Variants in TTC17 observed in about 807,000 individuals in gnomAD.
TTC17 encodes tetratricopeptide repeat protein 17.
Under a neutral mutation model 143.8 loss-of-function variants are expected in TTC17, and 58 were observed. The ratio of observed to expected loss-of-function variants is 0.40; its 90% confidence interval spans 0.33 to 0.50. TTC17 has a LOEUF of 0.50. Ranked by LOEUF, TTC17 falls within the 20% of genes least tolerant of loss-of-function variation. The pLI, the probability that TTC17 is intolerant of heterozygous loss-of-function variation, is 0.49. For missense variants in TTC17, 1,273 were observed against 1,392.5 expected (o/e 0.91, Z 1.37); for synonymous variants, 501 against 497.8 (o/e 1.01, Z -0.09).
intron 19 of TTC17, chr11:43,449,070 C>A (rs569055433): frequency 6.6e-6 from 1 of 152,574 alleles, no homozygotes; most frequent in South Asian, 2.1e-4. Flanking sequence ...TCGGTTCATC[C>A]AGTACTTCCT....
intron 1 of TTC17, among the ~76,000 whole-genome samples, chr11:43,365,240 A>G (rs1856286963): frequency 6.6e-6 from 1 of 152,146 alleles, no homozygotes; most frequent in Non-Finnish European, 1.5e-5. Context: ...ACCTGGAACT[A>G]CAAGTGCATA....
chr11:43,396,720 G>C lies in TTC17; in HGVS notation c.675G>C (p.Ser225=). The C allele has an allele frequency of 1.3e-6, 2 of 1,582,260 alleles. No homozygotes were observed. Among genetic ancestry groups the C allele is most frequent in the African/African-American group, 1.3e-5 (1 of 74,380 alleles). The change falls in exon 6 of 24, where the codon TCG becomes TCC. Residue 225 remains serine (S), a synonymous_variant. Transcript: ENST00000039989. ...IHEGLQKNTS[S]WVLYNMASFY... is the part of the protein sequence containing the mutation. ...TTTTTAATCTCTAGAACACTTCCTC[G>C]TGGGTACTGTATAACATGGCTTCAT...
intron 2 of TTC17, among the ~76,000 whole-genome samples, chr11:43,384,809 T>C (rs1396081961): frequency 6.6e-6 from 1 of 152,246 alleles, no homozygotes; most frequent in Non-Finnish European, 1.5e-5. Flanking sequence ...GTATAAAGAC[T>C]GTAAAATGGC....
chr11:43,432,118 A>G (rs1947173045), intron 16 of TTC17, among the ~76,000 whole-genome samples: 1 of 152,236 alleles, frequency 6.6e-6, no homozygotes, highest in Admixed American at 6.5e-5. Flanking sequence ...TCTTCTAGCA[A>G]TTTGTAAACA....
At chr11:43,458,376 G>C (rs1178076632) in intron 21 of TTC17, among the ~76,000 whole-genome samples, 2 of 152,118 alleles carry the variant, frequency 1.3e-5, no homozygotes, top group African/African-American at 2.4e-5. Flanking sequence ...CACGTGATGG[G>C]TCAGGGCTTC....
chr11:43,362,524 T>G (rs1329400019), intron 1 of TTC17, among the ~76,000 whole-genome samples: 1 of 152,178 alleles, frequency 6.6e-6, no homozygotes, highest in Non-Finnish European at 1.5e-5. Flanking sequence ...GAGCATACAT[T>G]CCTGCAGGCA....
intron 20 of TTC17, 53 bp downstream of exon 20, chr11:43,450,294 C>T: frequency 6.4e-7 from 1 of 1,558,836 alleles, no homozygotes; most frequent in Non-Finnish European, 8.7e-7. Context: ...TTAGGATGCA[C>T]ATTGATACTA....
chr11:43,451,371 A>C, intron 21 of TTC17, 106 bp downstream of exon 21: 1 of 945,744 alleles, frequency 1.1e-6, no homozygotes, highest in Non-Finnish European at 1.7e-6. Context: ...GTTACTTAGC[A>C]CTTGGTGGCT....
chr11:43,430,302 C>T (rs1006475437), intron 16 of TTC17, among the ~76,000 whole-genome samples: 2 of 152,038 alleles, frequency 1.3e-5, no homozygotes, highest in African/African-American at 4.8e-5. Flanking sequence ...GTGGCGTGCA[C>T]CTGTAGTCCC....
intron 18 of TTC17, chr11:43,447,550 C>T (rs995725653): frequency 2.6e-5 from 4 of 155,278 alleles, no homozygotes; most frequent in African/African-American, 9.7e-5. Context: ...GCTAAACACC[C>T]TCCAATGCAC....
intron 2 of TTC17, among the ~76,000 whole-genome samples, chr11:43,383,795 GCTTTT>G (rs1382616073): frequency 1.3e-5 from 2 of 151,910 alleles, no homozygotes; most frequent in African/African-American, 4.8e-5. Flanking sequence ...TACAAAAGAG[GCTTTT>G]CTTTTCAAAA....
chr11:43,384,663 A>G (rs1857106030), intron 2 of TTC17, among the ~76,000 whole-genome samples: 1 of 152,222 alleles, frequency 6.6e-6, no homozygotes, highest in East Asian at 1.9e-4. Flanking sequence ...CCAGGTCTCA[A>G]AAAACAAAAC....
intron 21 of TTC17, among the ~76,000 whole-genome samples, chr11:43,460,148 G>A (rs1947838694): frequency 6.6e-6 from 1 of 151,834 alleles, no homozygotes; most frequent in Non-Finnish European, 1.5e-5. Flanking sequence ...GAAGAAGCTG[G>A]TAACGAGAAA....
chr11:43,468,660 C>A (rs868533857), intron 21 of TTC17, among the ~76,000 whole-genome samples: 4 of 152,124 alleles, frequency 2.6e-5, no homozygotes, highest in Non-Finnish European at 5.9e-5. Flanking sequence ...CTCAGCTGGG[C>A]ATGGTGGCTG....
At chr11:43,436,229 T>C (rs778416617) in intron 16 of TTC17, 31 of 1,485,268 alleles carry the variant, frequency 2.1e-5, no homozygotes, top group African/African-American at 2.8e-5. Flanking sequence ...CAACTCACAG[T>C]CACTGGATGC....
intron 1 of TTC17, chr11:43,370,475 G>A (rs1325932712): frequency 6.5e-6 from 1 of 153,048 alleles, no homozygotes; most frequent in African/African-American, 2.4e-5. Context: ...TTCTCTATAA[G>A]TGAATACACG....
chr11:43,418,200 A>C (rs1352135414), intron 16 of TTC17, among the ~76,000 whole-genome samples: 1 of 152,240 alleles, frequency 6.6e-6, no homozygotes. Flanking sequence ...TTATTAACCT[A>C]CAAATCAATG....
chr11:43,471,346 G>C (rs548171080), intron 21 of TTC17, among the ~76,000 whole-genome samples: 1 of 152,338 alleles, frequency 6.6e-6, no homozygotes, highest in African/African-American at 2.4e-5. Context: ...AGCTTGGTCA[G>C]AGCCAGCCGT....
At chr11:43,467,298 TA>T (rs1947993211) in intron 21 of TTC17, among the ~76,000 whole-genome samples, 1 of 152,048 alleles carries the variant, frequency 6.6e-6, no homozygotes, top group Non-Finnish European at 1.5e-5. Context: ...GATGAATGGA[TA>T]AACAAAATAT....
Sources: allele counts gnomAD v4.1 joint callset (sites outside exome capture counted in the v4.1 genomes callset), GRCh38; gene constraint gnomAD v4.1.1; transcripts MANE v1.5; gene names NCBI Gene and HGNC (gene_info 2026-07-23, HGNC 2026-07-21).